The following TECRL variants were observed in gnomAD, a reference collection of about 807,000 sequenced individuals.
The protein encoded by TECRL is trans-2,3-enoyl-CoA reductase like, also known as trans-2,3-enoyl-CoA reductase-like.
TECRL carries 63 observed loss-of-function variants against 52.8 expected under a neutral mutation model. The ratio of observed to expected loss-of-function variants is 1.19; its 90% CI spans 0.97 to 1.47. The LOEUF (loss-of-function observed/expected upper bound fraction) is 1.47. TECRL is among the 40% of genes most tolerant of loss of function. The pLI, the probability that TECRL is intolerant of heterozygous loss-of-function variation, is 0.00. For missense variants in TECRL, 482 were observed against 429.6 expected (o/e 1.12, Z -1.08); for synonymous variants, 164 against 141.9 (o/e 1.16, Z -1.10).
rs1722644014 is a variant in TECRL at position 64,278,198 on chromosome 4, T to C, written c.*1874A>G. ...TATTTAGAATGATTTTCAAATAATC[T>C]ACAGAAAATATTTTAATTGTAAATT... On this transcript the variant is annotated 3_prime_UTR_variant, in exon 12 of 12. Coordinates refer to ENST00000381210, the MANE Select transcript of TECRL (RefSeq NM_001010874.5). 1 of 151,670 alleles carries C rather than the reference T, an allele frequency of 6.6e-6. No homozygotes were observed. The allele number at this position is 151,670 out of a possible 1,614,324, so 9.4% of individuals were successfully genotyped here. A position where few individuals can be genotyped will look rare whatever the true frequency, so the allele number is the denominator to read the frequency against.
intron 3 of TECRL, among the ~76,000 whole-genome samples, chr4:64,327,283 C>T (rs1718330416): frequency 6.6e-6 from 1 of 152,020 alleles, no homozygotes; most frequent in Non-Finnish European, 1.5e-5. Flanking sequence ...CATCCTGGTA[C>T]ACTCAACTAG....
intron 2 of TECRL, among the ~76,000 whole-genome samples, chr4:64,359,358 C>G (rs937563151): frequency 6.6e-6 from 1 of 151,836 alleles, no homozygotes; most frequent in Non-Finnish European, 1.5e-5. Context: ...ATATCTATCT[C>G]CCGTTGAATT....
chr4:64,359,964 TA>T (rs1721056669), intron 2 of TECRL, among the ~76,000 whole-genome samples: 1 of 152,158 alleles, frequency 6.6e-6, no homozygotes. Flanking sequence ...GTAAGAAATT[TA>T]AGTGATGTAC....
intron 2 of TECRL, among the ~76,000 whole-genome samples, chr4:64,353,292 A>T (rs746903045): frequency 6.6e-6 from 1 of 152,202 alleles, no homozygotes; most frequent in Non-Finnish European, 1.5e-5. Context: ...TTGAGGGCTG[A>T]TATATCATAA....
At chr4:64,339,858 T>C (rs958002140) in intron 2 of TECRL, among the ~76,000 whole-genome samples, 3 of 152,320 alleles carry the variant, frequency 2.0e-5, no homozygotes, top group Middle Eastern at 3.4e-3. Context: ...TTCTACTATT[T>C]TCACGATCAT....
intron 4 of TECRL, among the ~76,000 whole-genome samples, chr4:64,315,710 G>T (rs888767413): frequency 1.3e-5 from 2 of 151,938 alleles, no homozygotes; most frequent in Non-Finnish European, 2.9e-5. Flanking sequence ...TGAGAAGATT[G>T]TTAGAATGAA....
rs138666672 is a variant in TECRL at position 64,309,599 on chromosome 4, T to C, written c.657+227A>G. ...AAATTAAAAGATTCCTAGGAGTATCTAGCTTGTCTTGTAATATGAGGTAAT... is the reference window on the plus strand; with the variant it reads ...AAATTAAAAGATTCCTAGGAGTATCCAGCTTGTCTTGTAATATGAGGTAAT... On this transcript the variant is annotated intron_variant, in intron 6 of 11. Transcript: ENST00000381210. Among the ~76,000 whole-genome samples the C allele has an allele frequency of 3.9e-3, 601 of 152,274 alleles. 7 individuals are homozygous for C. Among genetic ancestry groups the C allele is most frequent in the African/African-American group, 0.013 (560 of 41,562 alleles).
intron 1 of TECRL, among the ~76,000 whole-genome samples, chr4:64,376,204 T>C (rs73230492): frequency 0.015 from 2,286 of 152,006 alleles, 71 homozygotes; most frequent in African/African-American, 0.052. Flanking sequence ...TATTTCGCCT[T>C]CTACTTAACA....
At chr4:64,293,804 T>C (rs1723526300) in intron 8 of TECRL, among the ~76,000 whole-genome samples, 1 of 151,982 alleles carries the variant, frequency 6.6e-6, no homozygotes, top group Non-Finnish European at 1.5e-5. Context: ...TTTGTGTTAG[T>C]AAAATCCTTC....
At chr4:64,406,161 C>CGT (rs1478080542) in intron 1 of TECRL, among the ~76,000 whole-genome samples, 13 of 149,568 alleles carry the variant, frequency 8.7e-5, no homozygotes, top group African/African-American at 2.7e-4. Flanking sequence ...CGCGCGCGCG[C>CGT]GCGCGTGTGT....
At chr4:64,313,911 A>G (rs1323831017) in intron 5 of TECRL, among the ~76,000 whole-genome samples, 12 of 145,718 alleles carry the variant, frequency 8.2e-5, no homozygotes, top group Non-Finnish European at 1.8e-4. Flanking sequence ...AGGCGGGCGG[A>G]TCACGAGGTC....
At chr4:64,409,050 T>C (rs1724918165) in intron 1 of TECRL, 68 bp downstream of exon 1, 2 of 1,294,512 alleles carry the variant, frequency 1.5e-6, no homozygotes, top group African/African-American at 1.5e-5. Flanking sequence ...AATCAAGCAA[T>C]CAATAATATT....
intron 3 of TECRL, among the ~76,000 whole-genome samples, chr4:64,326,406 T>C (rs1474568576): frequency 6.6e-6 from 1 of 152,138 alleles, no homozygotes; most frequent in Non-Finnish European, 1.5e-5. Context: ...GCACACCATA[T>C]ACAGTATGAC....
chr4:64,320,396 G>A (rs1431960505), intron 4 of TECRL, among the ~76,000 whole-genome samples: 2 of 151,850 alleles, frequency 1.3e-5, no homozygotes, highest in African/African-American at 4.8e-5. Flanking sequence ...TAATTTAGTT[G>A]ATCTGAAATG....
In TECRL at chr4:64,375,167, C is replaced by G; in HGVS notation, c.286+5G>C. The G allele has an allele frequency of 7.5e-7, 1 of 1,336,662 alleles. No individual in the cohort carries two copies. The highest frequency in any genetic ancestry group is 9.9e-7 in the Non-Finnish European group (1 of 1,005,420). The allele number at this position is 1,336,662 out of a possible 1,614,324, so 82.8% of individuals were successfully genotyped here. On this transcript the variant is annotated splice_donor_5th_base_variant and intron_variant, in intron 2 of 11. Coordinates refer to ENST00000381210, the MANE Select transcript of TECRL (RefSeq NM_001010874.5). ...TGTAAATTCTAAATAATATATAAAA[C>G]TTACATGCTTTGTGAAACTTTTGCT...
intron 2 of TECRL, among the ~76,000 whole-genome samples, chr4:64,374,021 G>GTAT (rs1722169196): frequency 7.9e-5 from 2 of 25,250 alleles, no homozygotes; most frequent in Non-Finnish European, 8.7e-5. Context: ...GTATATAGTA[G>GTAT]ATACATATAT....
intron 9 of TECRL, among the ~76,000 whole-genome samples, chr4:64,286,075 G>T (rs548788598): frequency 3.9e-5 from 6 of 152,098 alleles, no homozygotes; most frequent in Admixed American, 2.6e-4. Context: ...GCATTTACAT[G>T]ATGCTTCTGT....
At chr4:64,391,365 T>G (rs1327253621) in intron 1 of TECRL, among the ~76,000 whole-genome samples, 1 of 151,824 alleles carries the variant, frequency 6.6e-6, no homozygotes, top group Non-Finnish European at 1.5e-5. Context: ...CAACTTGTTT[T>G]CACAGCTGCA....
intron 1 of TECRL, among the ~76,000 whole-genome samples, chr4:64,406,094 G>A (rs1724698049): frequency 6.6e-6 from 1 of 151,876 alleles, no homozygotes; most frequent in South Asian, 2.1e-4. Flanking sequence ...TGAGAGAAAT[G>A]GGCAAAAACT....
Sources: gnomAD v4.1 joint callset for allele counts (sites outside exome capture counted in the v4.1 genomes callset) on GRCh38, gnomAD v4.1.1 for gene constraint, MANE v1.5 for transcripts, NCBI Gene and HGNC (gene_info 2026-07-23, HGNC 2026-07-21) for gene names.